The following NEIL3 variants were observed in gnomAD, a reference collection of about 807,000 sequenced individuals.
NEIL3 encodes the protein nei like DNA glycosylase 3.
NEIL3 carries 48 observed loss-of-function variants against 57.5 expected under a neutral mutation model. The ratio of observed to expected loss-of-function variants is 0.83; its 90% CI spans 0.66 to 1.06. NEIL3 has a LOEUF of 1.06. NEIL3 is among the 50% of genes least tolerant of loss of function. The pLI is 0.00. For synonymous variants in NEIL3, 261 were observed against 253.2 expected (o/e 1.03, Z -0.29); for missense variants, 717 against 739.1 (o/e 0.97, Z 0.35).
intron 2 of NEIL3, among the ~76,000 whole-genome samples, 185 bp from the exon 3 acceptor site, chr4:177,335,503 A>C (rs1303670292): frequency 6.6e-6 from 1 of 152,158 alleles, no homozygotes; most frequent in African/African-American, 2.4e-5. Flanking sequence ...TTCTATCTTT[A>C]TAAGGATACA....
chr4:177,369,435 C>T, the NEIL3 span, among the ~76,000 whole-genome samples: 1 of 152,104 alleles, frequency 6.6e-6, no homozygotes, highest in Admixed American at 6.6e-5. Flanking sequence ...CATTTCATGG[C>T]TATAAATGGA....
intron 1 of NEIL3, 134 bp downstream of exon 1, chr4:177,310,243 TTTATC>T: frequency 9.6e-7 from 1 of 1,039,832 alleles, no homozygotes; most frequent in Non-Finnish European, 1.3e-6. Flanking sequence ...TTTCACAGAG[TTTATC>T]GTCACTTTAC....
intron 6 of NEIL3, among the ~76,000 whole-genome samples, chr4:177,345,633 G>A (rs995932452): frequency 2.7e-5 from 4 of 150,478 alleles, no homozygotes; most frequent in Admixed American, 6.6e-5. Flanking sequence ...CACCCGCCTC[G>A]GCCTCCCAAA....
chr4:177,357,376 T>A (rs1735496819), intron 8 of NEIL3, among the ~76,000 whole-genome samples: 1 of 151,986 alleles, frequency 6.6e-6, no homozygotes, highest in South Asian at 2.1e-4. Flanking sequence ...ATTTTTTTTT[T>A]AAGTTCATCA....
chr4:177,324,823 A>G (rs111503130), intron 2 of NEIL3, among the ~76,000 whole-genome samples: 3 of 152,158 alleles, frequency 2.0e-5, no homozygotes, highest in Admixed American at 6.5e-5. Flanking sequence ...GATGCATACA[A>G]TGCCACATTG....
chr4:177,365,975 C>T (rs534821799), downstream of NEIL3, among the ~76,000 whole-genome samples: 9 of 152,220 alleles, frequency 5.9e-5, no homozygotes, highest in East Asian at 1.4e-3. Context: ...GAAAGACAAC[C>T]AAGACCCACC....
chr4:177,352,206 C>T (rs141160364), intron 7 of NEIL3, among the ~76,000 whole-genome samples: 10 of 152,298 alleles, frequency 6.6e-5, no homozygotes, highest in South Asian at 2.1e-4. Flanking sequence ...TCCTGACTTA[C>T]GCACCCCTGC....
At chr4:177,314,786 T>G (rs2111109687) in intron 1 of NEIL3, among the ~76,000 whole-genome samples, 2 of 152,196 alleles carry the variant, frequency 1.3e-5, no homozygotes, top group South Asian at 4.1e-4. Flanking sequence ...GATTAAAAAG[T>G]GTTGTTGTAG....
chr4:177,335,987 G>A, intron 3 of NEIL3, 121 bp from the exon 4 acceptor site: 1 of 1,023,702 alleles, frequency 9.8e-7, no homozygotes, highest in Non-Finnish European at 1.4e-6. Flanking sequence ...TTTGTTGTTT[G>A]CATATGTAAC....
chr4:177,339,211 A>G (rs1735037334), intron 4 of NEIL3, among the ~76,000 whole-genome samples: 1 of 152,264 alleles, frequency 6.6e-6, no homozygotes, highest in African/African-American at 2.4e-5. Flanking sequence ...CCTTACTGAT[A>G]ACATAGTTCA....
intron 1 of NEIL3, among the ~76,000 whole-genome samples, chr4:177,319,493 G>T (rs770933567): frequency 1.2e-4 from 19 of 152,034 alleles, no homozygotes; most frequent in Admixed American, 2.6e-4. Context: ...GGGAACAAGT[G>T]GTGTTTGGTT....
At chr4:177,324,714 G>A (rs1428181280) in intron 2 of NEIL3, among the ~76,000 whole-genome samples, 1 of 152,106 alleles carries the variant, frequency 6.6e-6, no homozygotes, top group Non-Finnish European at 1.5e-5. Context: ...TGCTACAAAT[G>A]TAACAAGTAC....
chr4:177,338,439 G>T (rs563737191), intron 4 of NEIL3, among the ~76,000 whole-genome samples: 66 of 152,222 alleles, frequency 4.3e-4, no homozygotes, highest in Non-Finnish European at 7.8e-4. Context: ...ACACATGCAG[G>T]CTTCACATCT....
At chr4:177,356,087 CCAAA>C (rs1412722173) in intron 8 of NEIL3, among the ~76,000 whole-genome samples, 3 of 152,088 alleles carry the variant, frequency 2.0e-5, no homozygotes, top group African/African-American at 4.8e-5. Context: ...AAAATCATTT[CCAAA>C]CAGTCTTTTC....
intron 7 of NEIL3, among the ~76,000 whole-genome samples, chr4:177,352,467 A>C (rs1430488621): frequency 6.6e-6 from 1 of 152,182 alleles, no homozygotes; most frequent in South Asian, 2.1e-4. Context: ...TCTTAATGAT[A>C]ATATAGAATG....
intron 2 of NEIL3, among the ~76,000 whole-genome samples, chr4:177,325,677 G>C (rs1734766877): frequency 6.6e-6 from 1 of 152,062 alleles, no homozygotes; most frequent in African/African-American, 2.4e-5. Context: ...CTCACCAGCA[G>C]AGTATGAGAA....
intron 8 of NEIL3, 70 bp downstream of exon 8, chr4:177,353,798 C>G (rs1735416072): frequency 7.6e-7 from 1 of 1,315,036 alleles, no homozygotes; most frequent in African/African-American, 1.5e-5. Flanking sequence ...CGAGGTCTCA[C>G]TCTGTCACCT....
At chr4:177,357,260 A>T (rs1735492022) in intron 8 of NEIL3, among the ~76,000 whole-genome samples, 1 of 152,234 alleles carries the variant, frequency 6.6e-6, no homozygotes, top group Non-Finnish European at 1.5e-5. Flanking sequence ...TATCTATAAA[A>T]TGAGTTAAAC....
intron 8 of NEIL3, among the ~76,000 whole-genome samples, chr4:177,357,932 A>T (rs1735512804): frequency 6.6e-6 from 1 of 152,242 alleles, no homozygotes; most frequent in South Asian, 2.1e-4. Flanking sequence ...TAAGTAAGAA[A>T]TCTGCTATAT....
Sources: gnomAD v4.1 joint callset for allele counts (sites outside exome capture counted in the v4.1 genomes callset) on GRCh38, gnomAD v4.1.1 for gene constraint, MANE v1.5 for transcripts, NCBI Gene and HGNC (gene_info 2026-07-23, HGNC 2026-07-21) for gene names.